The following SRGAP1 variants were observed in gnomAD, a reference collection of about 807,000 sequenced individuals.
The protein encoded by SRGAP1 is SLIT-ROBO Rho GTPase-activating protein 1.
In SRGAP1, 43 loss-of-function variants were observed where a neutral mutation model predicts 121.9. The ratio of observed to expected loss-of-function variants is 0.35; its 90% CI spans 0.28 to 0.46. SRGAP1 has a LOEUF of 0.46. Among genes scored for constraint, SRGAP1 ranks in the 20% least tolerant of loss-of-function variants. SRGAP1 has a pLI of 1.00. For synonymous variants in SRGAP1, 447 were observed against 485.4 expected (o/e 0.92, Z 1.04); for missense variants, 1,102 against 1,350.9 (o/e 0.82, Z 2.89).
chr12:63,921,981 CTTT>C (rs745306989), intron 1 of SRGAP1, among the ~76,000 whole-genome samples: 2 of 143,618 alleles, frequency 1.4e-5, no homozygotes, highest in Non-Finnish European at 1.5e-5. Context: ...TGATTTCTTT[CTTT>C]TTTTTTTTTT....
At chr12:63,907,364 C>T (rs1426130757) in intron 1 of SRGAP1, among the ~76,000 whole-genome samples, 2 of 151,922 alleles carry the variant, frequency 1.3e-5, no homozygotes, top group African/African-American at 2.4e-5. Flanking sequence ...TAGTGAAACC[C>T]CATCTCTACT....
In SRGAP1 at chr12:64,067,020, G is replaced by GT. The variant is rs1172373887; in HGVS notation, c.1125+1810dup. 9.4e-5 allele frequency among the ~76,000 whole-genome samples: 12 copies of GT among 127,864 alleles called. No individual in the cohort carries two copies. The East Asian group carries it at 1.6e-3, about 17-fold the overall frequency. The allele number at this position is 127,864 out of a possible 152,430, so 83.9% of individuals were successfully genotyped here. ...TGTTTGGCTCCCAAAGTTTTGACCTGTTTTTTTTTAAAAGAAAAAAAAAAG... is the reference window on the plus strand; with the variant it reads ...TGTTTGGCTCCCAAAGTTTTGACCTGTTTTTTTTTTAAAAGAAAAAAAAAAG... On this transcript the variant is annotated intron_variant, in intron 8 of 21. Transcript: ENST00000355086.
chr12:64,011,302 T>A (rs1345363772), intron 3 of SRGAP1, among the ~76,000 whole-genome samples: 1 of 152,098 alleles, frequency 6.6e-6, no homozygotes, highest in Non-Finnish European at 1.5e-5. Context: ...AGAAAAAAAT[T>A]GATCAGCCAG....
intron 1 of SRGAP1, among the ~76,000 whole-genome samples, chr12:63,910,623 A>G (rs1048563777): frequency 2.6e-5 from 4 of 152,218 alleles, no homozygotes; most frequent in South Asian, 2.1e-4. Flanking sequence ...GGGAAAATGC[A>G]TGGAACCTTA....
In SRGAP1 at chr12:64,142,476, A is replaced by G; in HGVS notation, c.3062A>G (p.Glu1021Gly). Reference protein sequence around the residue: ...PLHNVALRSSEPQIRRSTSSS... With the variant: ...PLHNVALRSSGPQIRRSTSSS... ...CACAACGTTGCCCTCAGGAGCTCCGAGCCTCAGATTCGACGTAGCACGAGC... is the reference window on the plus strand; with the variant it reads ...CACAACGTTGCCCTCAGGAGCTCCGGGCCTCAGATTCGACGTAGCACGAGC... Residue 1021 changes from glutamate (E) to glycine (G), a missense_variant, in exon 22 of 22, where the codon GAG (glutamate) becomes GGG (glycine). Around this residue, in one of 3 missense-constraint regions of SRGAP1, gnomAD observed 315 missense variants for 343.1 expected, o/e 0.92. Transcript: ENST00000355086. The G allele has an allele frequency of 7.4e-6, 12 of 1,614,166 alleles. No individual in the cohort carries two copies. Among genetic ancestry groups the G allele is most frequent in the Non-Finnish European group, 9.3e-6 (11 of 1,180,022 alleles).
At chr12:63,960,131 C>T (rs961586286) in intron 1 of SRGAP1, among the ~76,000 whole-genome samples, 2 of 152,132 alleles carry the variant, frequency 1.3e-5, no homozygotes, top group African/African-American at 4.8e-5. Context: ...GTGGAAAATG[C>T]CTGCGTGTTT....
chr12:63,934,955 A>C (rs150038421), intron 1 of SRGAP1, among the ~76,000 whole-genome samples: 82 of 152,338 alleles, frequency 5.4e-4, no homozygotes, highest in African/African-American at 1.9e-3. Context: ...GGAGAATAGA[A>C]AGGCAAAAAG....
intron 18 of SRGAP1, among the ~76,000 whole-genome samples, chr12:64,117,684 A>G (rs924576840): frequency 2.0e-5 from 3 of 152,164 alleles, no homozygotes; most frequent in South Asian, 4.1e-4. Flanking sequence ...GTACAGTGTT[A>G]TACAGCAGAT....
intron 1 of SRGAP1, among the ~76,000 whole-genome samples, chr12:63,865,227 C>CGGGCAGATCACA (rs1012833703): frequency 2.0e-5 from 3 of 152,044 alleles, no homozygotes; most frequent in Non-Finnish European, 4.4e-5. Flanking sequence ...GAGGCTGAGG[C>CGGGCAGATCACA]GGGCAGATCA....
intron 6 of SRGAP1, among the ~76,000 whole-genome samples, chr12:64,056,227 C>G (rs115604897): frequency 0.01 from 1,559 of 152,154 alleles, 23 homozygotes; most frequent in African/African-American, 0.035. Flanking sequence ...CTTGCAGTTT[C>G]CTAAATTAAG....
At chr12:64,075,457 G>T (rs1199749439) in intron 8 of SRGAP1, among the ~76,000 whole-genome samples, 1 of 152,230 alleles carries the variant, frequency 6.6e-6, no homozygotes, top group Admixed American at 6.5e-5. Flanking sequence ...GTGCTGCAGG[G>T]ATTTTGTTTA....
At chr12:63,887,628 A>T (rs1161005604) in intron 1 of SRGAP1, 2 of 152,198 alleles carry the variant, frequency 1.3e-5, no homozygotes, top group Non-Finnish European at 2.9e-5. Context: ...CTCGAGTTGA[A>T]TGGCTGTTTG....
chr12:63,997,164 C>G (rs2033736338), intron 3 of SRGAP1, among the ~76,000 whole-genome samples: 1 of 151,954 alleles, frequency 6.6e-6, no homozygotes, highest in African/African-American at 2.4e-5. Flanking sequence ...GAAAAAGGTA[C>G]AATACAATTA....
intron 8 of SRGAP1, among the ~76,000 whole-genome samples, chr12:64,068,282 AAAAAAAAAAAAAAAG>A (rs202203338): frequency 0.14 from 21,006 of 149,876 alleles, 1,936 homozygotes; most frequent in South Asian, 0.32. Flanking sequence ...CAAAAAAAAA[AAAAAAAAAAAAAAAG>A]TAGTAGGCAC....
At chr12:63,867,051 G>A (rs1291806154) in intron 1 of SRGAP1, among the ~76,000 whole-genome samples, 4 of 151,960 alleles carry the variant, frequency 2.6e-5, no homozygotes, top group Non-Finnish European at 4.4e-5. Context: ...TTATTTCGCC[G>A]TGTTGCCCAC....
intron 1 of SRGAP1, among the ~76,000 whole-genome samples, chr12:63,940,382 T>G (rs1338398704): frequency 6.8e-6 from 1 of 148,106 alleles, no homozygotes; most frequent in Non-Finnish European, 1.5e-5. Context: ...CTCATACAAC[T>G]GCTTATCTTT....
intron 1 of SRGAP1, among the ~76,000 whole-genome samples, chr12:63,921,032 T>G (rs935908010): frequency 5.3e-5 from 8 of 152,208 alleles, no homozygotes; most frequent in African/African-American, 4.8e-5. Context: ...ACCCTTGAAC[T>G]TCTTCCTTAT....
intron 8 of SRGAP1, among the ~76,000 whole-genome samples, chr12:64,067,107 C>T (rs1460566138): frequency 6.6e-6 from 1 of 152,108 alleles, no homozygotes; most frequent in Non-Finnish European, 1.5e-5. Flanking sequence ...TTGAATCCTA[C>T]TTTGCCAGTC....
intron 1 of SRGAP1, among the ~76,000 whole-genome samples, chr12:63,917,501 G>A (rs886831370): frequency 6.6e-6 from 1 of 152,096 alleles, no homozygotes; most frequent in Non-Finnish European, 1.5e-5. Context: ...CTGCGCAGTT[G>A]CTCCTTTTGA....
Sources: gnomAD v4.1 joint callset for allele counts (sites outside exome capture counted in the v4.1 genomes callset) on GRCh38, gnomAD v4.1.1 for gene constraint, gnomAD v4.1.1 regional missense constraint, MANE v1.5 for transcripts, NCBI Gene and HGNC (gene_info 2026-07-23, HGNC 2026-07-21) for gene names.